The following KDM4C variants were observed in gnomAD, a reference collection of about 807,000 sequenced individuals.
KDM4C encodes lysine-specific demethylase 4C.
In KDM4C, 81 loss-of-function variants were observed where a neutral mutation model predicts 129.3. That is an observed-to-expected ratio of 0.63 (90% CI 0.52 to 0.75). The LOEUF (loss-of-function observed/expected upper bound fraction) is 0.75, where lower values mean the gene tolerates loss of function less well. Among genes scored for constraint, KDM4C ranks in the 30% least tolerant of loss-of-function variants. The pLI is 0.00. For synonymous variants in KDM4C, 573 were observed against 456.1 expected (o/e 1.26, Z -3.26); for missense variants, 1,457 against 1,304.0 (o/e 1.12, Z -1.81).
chr9:6,969,438 A>G (rs1207550972), intron 8 of KDM4C, among the ~76,000 whole-genome samples: 1 of 152,182 alleles, frequency 6.6e-6, no homozygotes, highest in Non-Finnish European at 1.5e-5. Flanking sequence ...GATAGGCTTG[A>G]TATTCCAAGC....
intron 1 of KDM4C, chr9:6,721,050 C>G (rs1311651774): frequency 4.9e-6 from 7 of 1,438,012 alleles, no homozygotes; most frequent in Non-Finnish European, 6.7e-6. Context: ...GTTGGTGGTT[C>G]TGTCACACTT....
At chr9:7,097,926 A>G (rs555051482) in intron 17 of KDM4C, among the ~76,000 whole-genome samples, 13 of 152,250 alleles carry the variant, frequency 8.5e-5, no homozygotes, top group Non-Finnish European at 1.9e-4. Context: ...GGGAACATTC[A>G]TATGGTTAAT....
rs1554643688 is a variant in KDM4C, at chr9:6,919,223, C to CTTCTTTCTTTCTTTCTTTCT, written c.921+25998_921+26017dup. On this transcript the variant is annotated intron_variant, in intron 8 of 21. Transcript: ENST00000381309. ...TTACAGATTCTGAATTTTCTTTTTC[C>CTTCTTTCTTTCTTTCTTTCT]TTCTTTCTTTCTTTCTTTCTTTCTT... Among the ~76,000 whole-genome samples, 20 of 109,032 alleles carry CTTCTTTCTTTCTTTCTTTCT rather than the reference C, an allele frequency of 1.8e-4. 1 individual carries two copies. The highest frequency in any genetic ancestry group is 6.1e-4 in the African/African-American group (20 of 32,776). 71.5% of individuals were successfully genotyped at this position (109,032 alleles called of 152,430 possible).
At chr9:7,128,596 G>A (rs1840277583) in intron 19 of KDM4C, among the ~76,000 whole-genome samples, 1 of 152,176 alleles carries the variant, frequency 6.6e-6, no homozygotes, top group South Asian at 2.1e-4. Flanking sequence ...GAACAAATTT[G>A]AATTCTTTTA....
chr9:6,730,579 C>A (rs940885981), intron 1 of KDM4C, among the ~76,000 whole-genome samples: 3 of 150,638 alleles, frequency 2.0e-5, no homozygotes, highest in Non-Finnish European at 3.0e-5. Flanking sequence ...CGTGCCACTG[C>A]ACTCCAGCCT....
intron 4 of KDM4C, among the ~76,000 whole-genome samples, chr9:6,842,878 C>T (rs891799931): frequency 6.6e-6 from 1 of 152,072 alleles, no homozygotes; most frequent in Non-Finnish European, 1.5e-5. Flanking sequence ...TTTGTAAGTC[C>T]TGCTTTATTA....
chr9:7,170,008 C>G lies in KDM4C; in HGVS notation c.2994+118C>G. ...CTTTTGGATTAATTCTAAAAAAAGC[C>G]AATGCAACATTTTCCTTAGTGGAAC... On this transcript the variant is annotated intron_variant, in intron 21 of 21. Transcript: ENST00000381309. 6 of 1,555,794 alleles carry G rather than the reference C, an allele frequency of 3.9e-6. No individual in the cohort carries two copies. In the South Asian group the frequency reaches 4.7e-5, roughly 12 times the overall value.
upstream of KDM4C, among the ~76,000 whole-genome samples, chr9:6,753,573 A>C (rs1399222832): frequency 6.6e-6 from 1 of 151,922 alleles, no homozygotes; most frequent in Non-Finnish European, 1.5e-5. Flanking sequence ...CTCACCTGGC[A>C]GACTGGGTAA....
At chr9:6,904,747 C>A (rs1458038067) in intron 8 of KDM4C, among the ~76,000 whole-genome samples, 1 of 152,124 alleles carries the variant, frequency 6.6e-6, no homozygotes, top group African/African-American at 2.4e-5. Context: ...TTAAGAAAAA[C>A]TTTAATAAAT....
chr9:7,171,601 C>T (rs1844966779), intron 21 of KDM4C, among the ~76,000 whole-genome samples: 1 of 152,120 alleles, frequency 6.6e-6, no homozygotes, highest in South Asian at 2.1e-4. Flanking sequence ...TATGACTAAG[C>T]ATCCTACCAG....
intron 8 of KDM4C, among the ~76,000 whole-genome samples, chr9:6,904,763 T>C (rs1198922341): frequency 6.6e-6 from 1 of 152,236 alleles, no homozygotes; most frequent in Non-Finnish European, 1.5e-5. Context: ...TAAATTCCTT[T>C]AGTAATGCCT....
chr9:7,004,719 A>G (rs1303250482), intron 12 of KDM4C, among the ~76,000 whole-genome samples: 1 of 152,218 alleles, frequency 6.6e-6, no homozygotes, highest in Non-Finnish European at 1.5e-5. Flanking sequence ...TTTTCCCTAC[A>G]AGGCTAAACC....
upstream of KDM4C, among the ~76,000 whole-genome samples, chr9:6,757,181 G>A (rs777766191): frequency 4.6e-5 from 7 of 152,222 alleles, no homozygotes; most frequent in African/African-American, 9.6e-5. Flanking sequence ...GTTGTAGGAA[G>A]TTAACTTATC....
In KDM4C at chr9:6,795,419, C is replaced by A. The variant is rs528196508; in HGVS notation, c.144+2287C>A. On this transcript the variant is annotated intron_variant, in intron 2 of 21. Transcript: ENST00000381309. ...CGATCTCAGCTCACTGCAACCTCTG[C>A]CTCCTGGTTTCAAGCTATTCTCCTG... 6.6e-5 allele frequency among the ~76,000 whole-genome samples: 10 copies of A among 152,340 alleles called. No homozygotes were observed. The South Asian group carries it at 2.1e-3, about 32-fold the overall frequency.
intron 17 of KDM4C, among the ~76,000 whole-genome samples, chr9:7,065,015 AG>A (rs1832228100): frequency 6.6e-6 from 1 of 152,246 alleles, no homozygotes. Context: ...ACCAGAAGGA[AG>A]TCCAGTGTTC....
At chr9:7,095,934 C>T (rs2133084426) in intron 17 of KDM4C, among the ~76,000 whole-genome samples, 1 of 152,292 alleles carries the variant, frequency 6.6e-6, no homozygotes, top group South Asian at 2.1e-4. Flanking sequence ...GAAATAGGTG[C>T]TCTTTAATAC....
At chr9:7,016,712 C>T (rs1823763539) in intron 15 of KDM4C, among the ~76,000 whole-genome samples, 1 of 152,128 alleles carries the variant, frequency 6.6e-6, no homozygotes, top group Admixed American at 6.5e-5. Context: ...AGCCGTGAGC[C>T]ACTGTGCCCG....
chr9:7,049,109 G>T lies in KDM4C; in HGVS notation c.2333G>T (p.Cys778Phe). ...TKNNKWAHVMCAVAVPEVRFT... is the reference protein window; with the variant it reads ...TKNNKWAHVMFAVAVPEVRFT... ...TCCTGTAGGTGGGCCCATGTCATGT[G>T]CGCCGTTGCGGTCCCAGAAGTTCGA... Residue 778 changes from cysteine (C) to phenylalanine (F), a missense_variant, in exon 17 of 22, where the codon TGC (cysteine) becomes TTC (phenylalanine). By Grantham distance (205) the Cys-to-Phe change is radical. Coordinates refer to ENST00000381309, the MANE Select transcript of KDM4C (RefSeq NM_015061.6). The T allele has an allele frequency of 6.2e-7, 1 of 1,612,176 alleles. No individual in the cohort carries two copies. Among genetic ancestry groups the T allele is most frequent in the Non-Finnish European group, 8.5e-7 (1 of 1,178,560 alleles).
intron 5 of KDM4C, among the ~76,000 whole-genome samples, chr9:6,859,967 C>G (rs1007027922): frequency 6.6e-6 from 1 of 151,752 alleles, no homozygotes. Context: ...CTGATTTTTC[C>G]TATAGCTTTA....
Sources: gnomAD v4.1 joint callset for allele counts (sites outside exome capture counted in the v4.1 genomes callset) on GRCh38, gnomAD v4.1.1 for gene constraint, MANE v1.5 for transcripts, NCBI Gene and HGNC (gene_info 2026-07-23, HGNC 2026-07-21) for gene names.